UBR7: variants seen among roughly 807,000 people sequenced by gnomAD.
The protein encoded by UBR7 is putative E3 ubiquitin-protein ligase UBR7.
Under a neutral mutation model 57.0 loss-of-function variants are expected in UBR7, and 22 were observed. The ratio of observed to expected loss-of-function variants is 0.39; its 90% confidence interval spans 0.28 to 0.55. The LOEUF is 0.55. Ranked by LOEUF, UBR7 falls within the 20% of genes least tolerant of loss-of-function variation. The probability of loss-of-function intolerance (pLI) is 0.69; values close to 1 mark genes in which losing one functional copy is unlikely to be tolerated. For synonymous variants in UBR7, 167 were observed against 179.8 expected (o/e 0.93, Z 0.57); for missense variants, 395 against 513.2 (o/e 0.77, Z 2.23).
chr14:93,218,389 C>T (rs910723907), intron 6 of UBR7, 138 bp from the exon 7 acceptor site: 31 of 774,742 alleles, frequency 4.0e-5, no homozygotes, highest in Admixed American at 7.2e-5. Flanking sequence ...CCAGTGTGGA[C>T]GACAGAGTGA....
chr14:93,207,547 G>A, intron 1 of UBR7, 106 bp downstream of exon 1: 1 of 1,396,612 alleles, frequency 7.2e-7, no homozygotes. Context: ...CCCCAGTGGT[G>A]GTCCGGGGCC....
chr14:93,223,864 G>C, intron 10 of UBR7: 2 of 745,402 alleles, frequency 2.7e-6, no homozygotes, highest in Non-Finnish European at 4.9e-6. Flanking sequence ...GGTACATGTT[G>C]GGGGCGCCGC....
At chr14:93,212,726 CAT>C (rs1566821034) in intron 4 of UBR7, among the ~76,000 whole-genome samples, 1 of 152,182 alleles carries the variant, frequency 6.6e-6, no homozygotes, top group African/African-American at 2.4e-5. Flanking sequence ...ACCAGTATAT[CAT>C]AGACATTCTT....
chr14:93,227,117 G>A lies in UBR7; in HGVS notation c.*82G>A, dbSNP rs1173584802. 3 of 1,141,104 alleles carry A rather than the reference G, an allele frequency of 2.6e-6. No homozygotes were observed. Among genetic ancestry groups the A allele is most frequent in the East Asian group, 2.7e-5 (1 of 37,726 alleles). 70.7% of individuals were successfully genotyped at this position (1,141,104 alleles called of 1,614,324 possible). A position where few individuals can be genotyped will look rare whatever the true frequency, so the allele number is the denominator to read the frequency against. On this transcript the variant is annotated 3_prime_UTR_variant, in exon 11 of 11. Coordinates refer to ENST00000013070, the MANE Select transcript of UBR7 (RefSeq NM_175748.4). ...AATAAAAGAGGTGTGGTTCACATTTGGCCCCCTTTCCGTCCTCCTCTGTTT... is the reference window on the plus strand; with the variant it reads ...AATAAAAGAGGTGTGGTTCACATTTAGCCCCCTTTCCGTCCTCCTCTGTTT...
intron 9 of UBR7, among the ~76,000 whole-genome samples, chr14:93,221,112 ATT>A (rs1160957010): frequency 3.7e-5 from 5 of 136,798 alleles, no homozygotes; most frequent in Admixed American, 7.3e-5. Context: ...CGCCCCCCCA[ATT>A]TTTTTTTTTT....
chr14:93,218,239 G>A (rs1439069642), intron 6 of UBR7, among the ~76,000 whole-genome samples: 2 of 151,544 alleles, frequency 1.3e-5, no homozygotes, highest in South Asian at 2.1e-4. Context: ...GCGAAACCCC[G>A]TCTCTACTAA....
At chr14:93,224,167 C>T (rs1009394537) in intron 10 of UBR7, 2 of 596,724 alleles carry the variant, frequency 3.4e-6, no homozygotes, top group East Asian at 3.0e-5. Flanking sequence ...CGCCACCACC[C>T]GCAAAAGGTT....
rs562281132 is a variant in UBR7 at position 93,225,946 on chromosome 14, G to C, written c.1186-997G>C. On this transcript the variant is annotated intron_variant, in intron 10 of 10. Transcript: ENST00000013070. ...CAAGTATCCTATTTATTAGCATTTT[G>C]TTAAGTGTAAATTCCCGTGCCATTT... Among the ~76,000 whole-genome samples, 3 of 152,224 alleles carry C rather than the reference G, an allele frequency of 2.0e-5. No individual in the cohort carries two copies. In the South Asian group the frequency reaches 6.2e-4, roughly 32 times the overall value.
At position 93,228,569 on chromosome 14, in the gene UBR7, A is replaced by T; in HGVS notation, c.*1534A>T. The T allele has an allele frequency of 6.6e-6, 3 of 454,072 alleles. No individual in the cohort carries two copies. Among genetic ancestry groups the T allele is most frequent in the South Asian group, 4.7e-5 (3 of 64,474 alleles). 28.1% of individuals were successfully genotyped at this position (454,072 alleles called of 1,614,324 possible). A position where few individuals can be genotyped will look rare whatever the true frequency, so the allele number is the denominator to read the frequency against. ...TCGGCACTCAGGCTCCTAATTGCAGATCCTCACGAAGGGTGGTATGTGGAG... is the reference window on the plus strand; with the variant it reads ...TCGGCACTCAGGCTCCTAATTGCAGTTCCTCACGAAGGGTGGTATGTGGAG... On this transcript the variant is annotated 3_prime_UTR_variant, in exon 11 of 11. Coordinates refer to ENST00000013070, the MANE Select transcript of UBR7 (RefSeq NM_175748.4).
chr14:93,215,177 A>G lies in UBR7; in HGVS notation c.497A>G (p.His166Arg), dbSNP rs776278366. The G allele has an allele frequency of 1.3e-6, 2 of 1,572,622 alleles. No homozygotes were observed. Among genetic ancestry groups the G allele is most frequent in the South Asian group, 1.2e-5 (1 of 85,848 alleles). ...VVCEDWFHGR[H>R]LGAIPPESGD... is the part of the protein sequence containing the mutation. ...ATTTTTGGTGTTCTATATTCACAGC[A>G]TCTTGGTGCCATTCCCCCTGAGAGT... Residue 166 changes from histidine to arginine, a missense_variant and splice_region_variant, in exon 6 of 11, where the codon CAT becomes CGT. Coordinates refer to ENST00000013070, the MANE Select transcript of UBR7 (RefSeq NM_175748.4).
At chr14:93,211,176 G>A (rs1023993854) in intron 3 of UBR7, among the ~76,000 whole-genome samples, 1 of 151,798 alleles carries the variant, frequency 6.6e-6, no homozygotes, top group African/African-American at 2.4e-5. Context: ...GGAGGCGGAG[G>A]TTGCAGTGAG....
chr14:93,223,651 C>T, intron 10 of UBR7: 1 of 1,389,646 alleles, frequency 7.2e-7, no homozygotes, highest in Non-Finnish European at 1.0e-6. Flanking sequence ...GGCTGACGGG[C>T]AGGACCCGGT....
chr14:93,219,307 C>CACCT lies in UBR7; in HGVS notation c.908_911dup (p.Trp305LeufsTer8). 6.2e-7 allele frequency: 1 copy of CACCT among 1,614,176 alleles called. No homozygotes were observed. The highest frequency in any genetic ancestry group is 8.5e-7 in the Non-Finnish European group (1 of 1,180,048). On this transcript the variant is annotated frameshift_variant, in exon 8 of 11. Coordinates refer to ENST00000013070, the MANE Select transcript of UBR7 (RefSeq NM_175748.4). LOFTEE classifies it high-confidence loss of function. The stretch of plus-strand genomic sequence containing the variant: ...AGCAGCTTATAAAGAAAGACACTGC[C>CACCT]ACCTATTGGCCCCTGAACTGGCGTA...
In UBR7 at chr14:93,228,712, C is replaced by T. The variant is rs570283679; in HGVS notation, c.*1677C>T. ...TTGTTTATCAAGCTGGGGAACTCTT[C>T]CAAGTCTGACAATGTTTCGAACCCT... On this transcript the variant is annotated 3_prime_UTR_variant, in exon 11 of 11. Coordinates refer to ENST00000013070, the MANE Select transcript of UBR7 (RefSeq NM_175748.4). 66 of 454,104 alleles carry T rather than the reference C, an allele frequency of 1.5e-4. No individual in the cohort carries two copies. The highest frequency in any genetic ancestry group is 1.2e-3 in the African/African-American group (59 of 50,116). 28.1% of individuals were successfully genotyped at this position (454,104 alleles called of 1,614,324 possible).
At chr14:93,224,157 C>T (rs1352096818) in intron 10 of UBR7, 6 of 614,402 alleles carry the variant, frequency 9.8e-6, no homozygotes, top group Middle Eastern at 8.9e-4. Flanking sequence ...TCTCCGCGCT[C>T]GCCACCACCC....
At chr14:93,219,788 C>T (rs1009868915) in intron 8 of UBR7, among the ~76,000 whole-genome samples, 1 of 152,026 alleles carries the variant, frequency 6.6e-6, no homozygotes, top group African/African-American at 2.4e-5. Context: ...CCAGCCTGAC[C>T]AACATGGTGA....
chr14:93,214,471 T>C (rs748984271), intron 4 of UBR7, among the ~76,000 whole-genome samples: 1 of 152,258 alleles, frequency 6.6e-6, no homozygotes, highest in Non-Finnish European at 1.5e-5. Context: ...TTAGAGGAGT[T>C]ATCTATCGAG....
intron 2 of UBR7, 49 bp downstream of exon 2, chr14:93,210,006 C>A (rs1280797377): frequency 2.5e-6 from 4 of 1,599,168 alleles, no homozygotes; most frequent in East Asian, 2.2e-5. Context: ...AGTATAGATT[C>A]TTTCCCATCT....
chr14:93,208,496 A>C (rs1027639512), intron 1 of UBR7, among the ~76,000 whole-genome samples: 1 of 151,942 alleles, frequency 6.6e-6, no homozygotes, highest in Non-Finnish European at 1.5e-5. Context: ...AGTTATGTCT[A>C]TATGTAAACT....
Sources: gnomAD v4.1 joint callset for allele counts (sites outside exome capture counted in the v4.1 genomes callset) on GRCh38, gnomAD v4.1.1 for gene constraint, MANE v1.5 for transcripts, NCBI Gene and HGNC (gene_info 2026-07-23, HGNC 2026-07-21) for gene names.